The following CDH13 variants were observed in gnomAD, a reference collection of about 807,000 sequenced individuals.
The protein encoded by CDH13 is cadherin 13, also known as cadherin-13.
A neutral mutation model predicts 63.8 loss-of-function variants in CDH13; 24 were observed. That is an observed-to-expected ratio of 0.38 (90% CI 0.27 to 0.53). The LOEUF (loss-of-function observed/expected upper bound fraction) is 0.53, where lower values mean the gene tolerates loss of function less well. Among genes scored for constraint, CDH13 ranks in the 20% least tolerant of loss-of-function variants. The probability of loss-of-function intolerance (pLI) is 0.85; values close to 1 mark genes in which losing one functional copy is unlikely to be tolerated. For synonymous variants in CDH13, 503 were observed against 355.3 expected, an observed-to-expected ratio of 1.42 and a Z score of -4.67; for missense variants, 1,049 against 903.1, an observed-to-expected ratio of 1.16 and a Z score of -2.07.
At chr16:83,339,393 T>C (rs573789445) in intron 5 of CDH13, among the ~76,000 whole-genome samples, 41 of 152,232 alleles carry the variant, frequency 2.7e-4, no homozygotes, top group Non-Finnish European at 5.1e-4. Flanking sequence ...AAATGTAAAA[T>C]AGTTTTGCCC....
chr16:83,016,867 C>G (rs1260349984), intron 2 of CDH13, among the ~76,000 whole-genome samples: 1 of 152,156 alleles, frequency 6.6e-6, no homozygotes, highest in African/African-American at 2.4e-5. Flanking sequence ...TCATTTATGA[C>G]ATTTATGAAA....
chr16:82,999,468 C>G (rs571046588), intron 2 of CDH13, among the ~76,000 whole-genome samples: 1 of 151,850 alleles, frequency 6.6e-6, no homozygotes, highest in Admixed American at 6.6e-5. Flanking sequence ...ATAGATATGC[C>G]CTTACATCAA....
At chr16:83,286,308 A>C (rs2089310996) in intron 5 of CDH13, among the ~76,000 whole-genome samples, 1 of 152,120 alleles carries the variant, frequency 6.6e-6, no homozygotes, top group Non-Finnish European at 1.5e-5. Flanking sequence ...TACTTTGACA[A>C]ATATTTTTCC....
At chr16:82,849,421 G>A (rs965795623) in intron 1 of CDH13, among the ~76,000 whole-genome samples, 3 of 152,132 alleles carry the variant, frequency 2.0e-5, no homozygotes, top group African/African-American at 7.2e-5. Flanking sequence ...AGAATCGGTT[G>A]AACCAGGGAG....
At chr16:82,899,568 A>G (rs1344433618) in intron 2 of CDH13, among the ~76,000 whole-genome samples, 4 of 152,006 alleles carry the variant, frequency 2.6e-5, no homozygotes, top group Non-Finnish European at 5.9e-5. Flanking sequence ...AAATGAGGCA[A>G]TGCCTGCAGG....
rs543117164 is a variant in CDH13 at position 83,765,079 on chromosome 16, C to G, written c.1682-14889C>G. On this transcript the variant is annotated intron_variant, in intron 11 of 13. Transcript: ENST00000567109. Reference sequence around the variant, plus strand: ...CCAGGCAGTTAATTATCCCAAGCCACAAGTATTTTATTATCACCTCTCTTC... The same window carrying G: ...CCAGGCAGTTAATTATCCCAAGCCAGAAGTATTTTATTATCACCTCTCTTC... Among the ~76,000 whole-genome samples the G allele has an allele frequency of 9.8e-5, 15 of 152,342 alleles. No homozygotes were observed. In the South Asian group the frequency reaches 3.1e-3, roughly 32 times the overall value.
intron 6 of CDH13, among the ~76,000 whole-genome samples, chr16:83,396,929 G>T (rs1305727901): frequency 1.3e-5 from 2 of 152,146 alleles, no homozygotes; most frequent in East Asian, 1.9e-4. Context: ...CCAGGTTCCA[G>T]TTGAGGAAGC....
intron 1 of CDH13, among the ~76,000 whole-genome samples, chr16:82,760,985 C>A (rs1421593017): frequency 6.9e-6 from 1 of 143,996 alleles, no homozygotes; most frequent in Non-Finnish European, 1.5e-5. Flanking sequence ...CCAGCCTCCA[C>A]CTCCAACTCT....
At chr16:83,475,772 A>T (rs1337323175) in intron 6 of CDH13, among the ~76,000 whole-genome samples, 5 of 152,144 alleles carry the variant, frequency 3.3e-5, no homozygotes, top group Non-Finnish European at 4.4e-5. Context: ...TTTAGTAGAG[A>T]AAGGGTTTCA....
intron 4 of CDH13, among the ~76,000 whole-genome samples, chr16:83,186,878 G>A (rs2038542283): frequency 6.6e-6 from 1 of 152,150 alleles, no homozygotes; most frequent in South Asian, 2.1e-4. Flanking sequence ...CAGGCAGCTG[G>A]GATCCCCTGT....
chr16:82,785,779 C>A (rs906156516), intron 1 of CDH13, among the ~76,000 whole-genome samples: 1 of 152,138 alleles, frequency 6.6e-6, no homozygotes, highest in Non-Finnish European at 1.5e-5. Flanking sequence ...TATATAAAGT[C>A]GCGGTACCGC....
At chr16:82,753,726 C>A (rs557553664) in intron 1 of CDH13, among the ~76,000 whole-genome samples, 19 of 152,318 alleles carry the variant, frequency 1.2e-4, no homozygotes, top group African/African-American at 3.6e-4. Flanking sequence ...TTTGCCATCT[C>A]ATAAACAGGC....
At chr16:82,628,233 C>A (rs757195218) in intron 1 of CDH13, among the ~76,000 whole-genome samples, 6 of 152,152 alleles carry the variant, frequency 3.9e-5, no homozygotes, top group Non-Finnish European at 8.8e-5. Context: ...GAGCTGGCAG[C>A]CTGCAAGTGG....
chr16:83,295,168 A>T (rs767820389), intron 5 of CDH13, among the ~76,000 whole-genome samples: 1 of 152,300 alleles, frequency 6.6e-6, no homozygotes, highest in African/African-American at 2.4e-5. Flanking sequence ...GGGAAACCGC[A>T]TATCCATATG....
At chr16:83,506,351 C>T (rs1436007178) in intron 7 of CDH13, among the ~76,000 whole-genome samples, 1 of 152,154 alleles carries the variant, frequency 6.6e-6, no homozygotes, top group East Asian at 1.9e-4. Flanking sequence ...GCTATGAATG[C>T]TCCTGACTCC....
chr16:83,557,095 C>T (rs2075619661), intron 7 of CDH13, among the ~76,000 whole-genome samples: 1 of 152,190 alleles, frequency 6.6e-6, no homozygotes, highest in Non-Finnish European at 1.5e-5. Context: ...AGCTCCTCCT[C>T]CTGTCAGATG....
At chr16:82,678,153 G>A (rs963787570) in intron 1 of CDH13, among the ~76,000 whole-genome samples, 2 of 152,140 alleles carry the variant, frequency 1.3e-5, no homozygotes, top group African/African-American at 4.8e-5. Flanking sequence ...CTGTAAGAAT[G>A]TTGTGGCCAA....
At chr16:83,507,088 C>T (rs553519362) in intron 7 of CDH13, among the ~76,000 whole-genome samples, 2 of 152,338 alleles carry the variant, frequency 1.3e-5, no homozygotes, top group South Asian at 2.1e-4. Context: ...AATTGCTGCT[C>T]ATTTCTCTGT....
chr16:83,603,091 G>C (rs1268576146), intron 8 of CDH13, among the ~76,000 whole-genome samples: 1 of 152,288 alleles, frequency 6.6e-6, no homozygotes, highest in African/African-American at 2.4e-5. Flanking sequence ...CTCAGTCCCT[G>C]TGCTTTTATG....
Sources: allele counts gnomAD v4.1 joint callset (sites outside exome capture counted in the v4.1 genomes callset), GRCh38; gene constraint gnomAD v4.1.1; transcripts MANE v1.5; gene names NCBI Gene and HGNC (gene_info 2026-07-23, HGNC 2026-07-21).